The following AHCTF1 variants were observed in gnomAD, a reference collection of about 807,000 sequenced individuals.
AHCTF1 encodes protein ELYS.
In AHCTF1, 24 loss-of-function variants were observed where a neutral mutation model predicts 248.4. The ratio of observed to expected loss-of-function variants is 0.10; its 90% CI spans 0.07 to 0.14. The LOEUF is 0.14. AHCTF1 is among the 10% of genes least tolerant of loss of function. The pLI is 1.00. For synonymous variants in AHCTF1, 786 were observed against 929.8 expected (o/e 0.85, Z 2.81); for missense variants, 2,206 against 2,636.2 (o/e 0.84, Z 3.57).
At chr1:246,915,154 A>T (rs2103220585) in intron 3 of AHCTF1, among the ~76,000 whole-genome samples, 1 of 152,188 alleles carries the variant, frequency 6.6e-6, no homozygotes, top group South Asian at 2.1e-4. Context: ...ACAGGGTGAA[A>T]CCCCATCTCT....
At chr1:246,904,639 C>T (rs993557312) in intron 6 of AHCTF1, among the ~76,000 whole-genome samples, 5 of 152,116 alleles carry the variant, frequency 3.3e-5, no homozygotes, top group Admixed American at 1.3e-4. Flanking sequence ...TGCCCTCGAC[C>T]ATGAGAGGCC....
chr1:246,899,063 T>C (rs1367819493), intron 11 of AHCTF1, among the ~76,000 whole-genome samples: 2 of 152,128 alleles, frequency 1.3e-5, no homozygotes, highest in Non-Finnish European at 2.9e-5. Flanking sequence ...CACCCCAGCC[T>C]GCGCAACAAG....
chr1:246,901,272 C>A (rs1391174960), intron 8 of AHCTF1, among the ~76,000 whole-genome samples: 2 of 152,102 alleles, frequency 1.3e-5, no homozygotes, highest in Non-Finnish European at 2.9e-5. Flanking sequence ...ACCTGGGAAG[C>A]AGAGGTTGCA....
At chr1:246,842,591 A>G in intron 35 of AHCTF1, 103 bp downstream of exon 35, 1 of 901,704 alleles carries the variant, frequency 1.1e-6, no homozygotes, top group South Asian at 3.1e-5. Context: ...CAAAAAAAAT[A>G]AATAAAAATA....
chr1:246,867,918 C>G (rs886649214), intron 24 of AHCTF1, 107 bp from the exon 25 acceptor site: 7 of 459,926 alleles, frequency 1.5e-5, no homozygotes, highest in Non-Finnish European at 2.0e-5. Context: ...CACACACACA[C>G]ACATTACGTG....
chr1:246,872,051 CAAAAAAAAA>C (rs753977798), intron 24 of AHCTF1, among the ~76,000 whole-genome samples: 2 of 83,732 alleles, frequency 2.4e-5, no homozygotes, highest in Non-Finnish European at 2.7e-5. Context: ...CTATTAATGA[CAAAAAAAAA>C]AAAAAAAAAA....
At chr1:246,875,011 G>A (rs1234818112) in intron 24 of AHCTF1, among the ~76,000 whole-genome samples, 1 of 151,252 alleles carries the variant, frequency 6.6e-6, no homozygotes, top group Non-Finnish European at 1.5e-5. Context: ...CACCTACTTT[G>A]TTAAAACCAT....
intron 24 of AHCTF1, among the ~76,000 whole-genome samples, chr1:246,869,137 C>T (rs1278403519): frequency 1.3e-5 from 2 of 151,902 alleles, no homozygotes; most frequent in Non-Finnish European, 2.9e-5. Context: ...GCCACCACGC[C>T]CGGCCGTGTG....
chr1:246,892,364 G>A (rs1362016880), intron 14 of AHCTF1, among the ~76,000 whole-genome samples: 1 of 134,496 alleles, frequency 7.4e-6, no homozygotes, highest in Non-Finnish European at 1.5e-5. Context: ...GCCCAGGCTG[G>A]AGTGCAGTGG....
intron 21 of AHCTF1, among the ~76,000 whole-genome samples, chr1:246,882,830 T>C (rs1663547780): frequency 6.6e-6 from 1 of 152,214 alleles, no homozygotes; most frequent in Admixed American, 6.5e-5. Flanking sequence ...TCCATATATA[T>C]AGCTCATAAA....
intron 25 of AHCTF1, 63 bp downstream of exon 25, chr1:246,867,598 C>T (rs756950637): frequency 2.6e-5 from 41 of 1,556,392 alleles, no homozygotes; most frequent in South Asian, 1.6e-4. Context: ...TGTTGATGAA[C>T]GCTGTTGATG....
chr1:246,863,834 TCA>T (rs1661750946), intron 27 of AHCTF1, 88 bp downstream of exon 27: 1 of 1,273,994 alleles, frequency 7.8e-7, no homozygotes, highest in Non-Finnish European at 1.1e-6. Flanking sequence ...CCCAAGCGTA[TCA>T]GTTATAAATT....
At chr1:246,869,286 C>G (rs553445475) in intron 24 of AHCTF1, among the ~76,000 whole-genome samples, 2 of 152,176 alleles carry the variant, frequency 1.3e-5, no homozygotes, top group East Asian at 1.9e-4. Context: ...GAGGACCTCC[C>G]TTATTCCTTG....
rs559736321 is a variant in AHCTF1 at position 246,869,075 on chromosome 1, A to G, written c.3089-1264T>C. ...TGGCCAGGATGGTCTCGATCTCCTG[A>G]CCTCGTGATCCGCCCGCCTTGGCCT... On this transcript the variant is annotated intron_variant, in intron 24 of 35. Coordinates refer to ENST00000648844, the MANE Select transcript of AHCTF1 (RefSeq NM_001323342.2). 2.6e-3 allele frequency among the ~76,000 whole-genome samples: 389 copies of G among 150,450 alleles called. 2 individuals carry two copies. The highest frequency in any genetic ancestry group is 8.5e-3 in the African/African-American group (344 of 40,596).
At chr1:246,930,813 C>T (rs910234022) in intron 1 of AHCTF1, among the ~76,000 whole-genome samples, 10 of 152,120 alleles carry the variant, frequency 6.6e-5, no homozygotes, top group African/African-American at 2.4e-4. Flanking sequence ...ATGAAGAACC[C>T]AGTTCTTCCA....
At chr1:246,862,479 CAAA>C (rs748209865) in intron 27 of AHCTF1, among the ~76,000 whole-genome samples, 1 of 115,876 alleles carries the variant, frequency 8.6e-6, no homozygotes. Context: ...GACTCCGTCT[CAAA>C]AAAAAAAAAA....
chr1:246,891,677 T>C, intron 15 of AHCTF1, 102 bp downstream of exon 15: 1 of 1,266,402 alleles, frequency 7.9e-7, no homozygotes, highest in Admixed American at 2.7e-5. Flanking sequence ...TAAAGTCCTC[T>C]TTACATAATG....
At chr1:246,870,594 T>C (rs1489797665) in intron 24 of AHCTF1, among the ~76,000 whole-genome samples, 4 of 151,988 alleles carry the variant, frequency 2.6e-5, no homozygotes, top group Non-Finnish European at 2.9e-5. Flanking sequence ...CCAGGGATTA[T>C]AGGAATTTTA....
At position 246,862,254 on chromosome 1, in the gene AHCTF1, G is replaced by A; in HGVS notation, c.3541-101C>T. 6.7e-6 allele frequency: 5 copies of A among 749,856 alleles called. No individual in the cohort carries two copies. In the South Asian group the frequency reaches 1.3e-4, roughly 19 times the overall value. 46.5% of individuals were successfully genotyped at this position (749,856 alleles called of 1,614,324 possible). On this transcript the variant is annotated intron_variant, in intron 27 of 35. Transcript: ENST00000648844. ...CCTGCACTTTGGGAGGCAGAGGCAG[G>A]CGGATCACCAGGTCAGGAGATCGAG...
Sources: allele counts gnomAD v4.1 joint callset (sites outside exome capture counted in the v4.1 genomes callset), GRCh38; gene constraint gnomAD v4.1.1; transcripts MANE v1.5; gene names NCBI Gene and HGNC (gene_info 2026-07-23, HGNC 2026-07-21).